The following SLC24A3 variants were observed in gnomAD, a reference collection of about 807,000 sequenced individuals.
SLC24A3 encodes sodium/potassium/calcium exchanger 3.
Under a neutral mutation model 75.8 loss-of-function variants are expected in SLC24A3, and 28 were observed. The ratio of observed to expected loss-of-function variants is 0.37; its 90% CI spans 0.27 to 0.51. SLC24A3 has a LOEUF of 0.51. Ranked by LOEUF, SLC24A3 falls within the 20% of genes least tolerant of loss-of-function variation. SLC24A3 has a pLI of 0.94. For missense variants in SLC24A3, 663 were observed against 847.8 expected, an observed-to-expected ratio of 0.78 and a Z score of 2.71; for synonymous variants, 372 against 334.1, an observed-to-expected ratio of 1.11 and a Z score of -1.24.
chr20:19,321,599 T>A (rs1435460902), intron 2 of SLC24A3, among the ~76,000 whole-genome samples: 1 of 152,214 alleles, frequency 6.6e-6, no homozygotes, highest in Non-Finnish European at 1.5e-5. Context: ...CATCTTAAGA[T>A]TATCTTATGT....
chr20:19,325,419 CTGGG>C (rs1428136726), intron 2 of SLC24A3, among the ~76,000 whole-genome samples: 1 of 151,914 alleles, frequency 6.6e-6, no homozygotes, highest in East Asian at 1.9e-4. Flanking sequence ...GCACTCCAGC[CTGGG>C]TGACGACCGT....
chr20:19,531,087 C>G (rs2030289607), intron 3 of SLC24A3, among the ~76,000 whole-genome samples: 1 of 150,876 alleles, frequency 6.6e-6, no homozygotes, highest in South Asian at 2.1e-4. Context: ...TGTAGTCACA[C>G]CAATTCTGAA....
At chr20:19,580,532 C>T (rs1405665578) in intron 4 of SLC24A3, among the ~76,000 whole-genome samples, 2 of 152,004 alleles carry the variant, frequency 1.3e-5, no homozygotes, top group Non-Finnish European at 2.9e-5. Context: ...TGTATATGTA[C>T]AGAAATGCTC....
intron 6 of SLC24A3, among the ~76,000 whole-genome samples, chr20:19,594,248 A>G (rs1031884588): frequency 3.3e-5 from 5 of 152,080 alleles, no homozygotes; most frequent in African/African-American, 1.2e-4. Context: ...CTTCCCTCCT[A>G]TCAACCCCCT....
intron 3 of SLC24A3, among the ~76,000 whole-genome samples, chr20:19,527,623 C>A (rs760928205): frequency 1.3e-5 from 2 of 152,184 alleles, no homozygotes; most frequent in Non-Finnish European, 2.9e-5. Context: ...ATGCCAGTGG[C>A]ATGCCCTGTC....
At chr20:19,404,737 G>A (rs956547754) in intron 2 of SLC24A3, among the ~76,000 whole-genome samples, 4 of 152,162 alleles carry the variant, frequency 2.6e-5, no homozygotes, top group African/African-American at 9.7e-5. Flanking sequence ...ATGTCCCCTT[G>A]CAACTGCATG....
At chr20:19,516,543 G>T (rs997816716) in intron 3 of SLC24A3, among the ~76,000 whole-genome samples, 1 of 152,200 alleles carries the variant, frequency 6.6e-6, no homozygotes, top group African/African-American at 2.4e-5. Context: ...CAGATGGACC[G>T]ACTCCGATGG....
chr20:19,666,829 A>C (rs900091833), intron 8 of SLC24A3, among the ~76,000 whole-genome samples: 1 of 152,238 alleles, frequency 6.6e-6, no homozygotes, highest in Non-Finnish European at 1.5e-5. Flanking sequence ...AGACATTTGC[A>C]TTTGGTCCAA....
At chr20:19,297,545 G>T (rs1380884373) in intron 2 of SLC24A3, among the ~76,000 whole-genome samples, 2 of 152,210 alleles carry the variant, frequency 1.3e-5, no homozygotes, top group African/African-American at 4.8e-5. Context: ...AGGCTTCATA[G>T]CACTCTGTTT....
chr20:19,615,748 T>G (rs1338735849), intron 6 of SLC24A3, among the ~76,000 whole-genome samples: 1 of 152,208 alleles, frequency 6.6e-6, no homozygotes, highest in African/African-American at 2.4e-5. Context: ...CACTGGACCC[T>G]TGCTTCTGTT....
At chr20:19,679,841 T>TTGC (rs1282768871) in intron 9 of SLC24A3, among the ~76,000 whole-genome samples, 1 of 151,638 alleles carries the variant, frequency 6.6e-6, no homozygotes, top group Admixed American at 6.6e-5. Context: ...GGCCCATGAC[T>TTGC]TGCTGCTGTG....
intron 14 of SLC24A3, among the ~76,000 whole-genome samples, chr20:19,697,864 G>A (rs188450910): frequency 2.6e-5 from 4 of 152,220 alleles, no homozygotes; most frequent in Admixed American, 6.5e-5. Context: ...TTTCCATAAG[G>A]GTGTCTCAGA....
At chr20:19,375,436 T>C (rs913855027) in intron 2 of SLC24A3, among the ~76,000 whole-genome samples, 1 of 152,118 alleles carries the variant, frequency 6.6e-6, no homozygotes, top group African/African-American at 2.4e-5. Context: ...TTTCTTATCA[T>C]AAAGAGAACT....
chr20:19,489,570 G>C (rs1372003807), intron 2 of SLC24A3, among the ~76,000 whole-genome samples: 1 of 152,030 alleles, frequency 6.6e-6, no homozygotes, highest in Non-Finnish European at 1.5e-5. Flanking sequence ...TTATGGATTT[G>C]TTTCCCAATT....
intron 7 of SLC24A3, among the ~76,000 whole-genome samples, chr20:19,654,558 A>C (rs1218534702): frequency 6.9e-6 from 1 of 144,580 alleles, no homozygotes; most frequent in Non-Finnish European, 1.5e-5. Flanking sequence ...TAGCAGTGAC[A>C]CCTCCCTGAG....
chr20:19,333,755 G>C (rs1001413025), intron 2 of SLC24A3, among the ~76,000 whole-genome samples: 4 of 151,772 alleles, frequency 2.6e-5, no homozygotes, highest in African/African-American at 9.7e-5. Flanking sequence ...AAAATGGAGG[G>C]GAAGGAGCGA....
At chr20:19,340,644 G>A (rs556148473) in intron 2 of SLC24A3, among the ~76,000 whole-genome samples, 2 of 152,296 alleles carry the variant, frequency 1.3e-5, no homozygotes, top group East Asian at 3.9e-4. Flanking sequence ...AAAATTTGGG[G>A]ATCAGGCATT....
At chr20:19,680,883 C>A (rs1270599100) in intron 9 of SLC24A3, among the ~76,000 whole-genome samples, 1 of 152,202 alleles carries the variant, frequency 6.6e-6, no homozygotes, top group Non-Finnish European at 1.5e-5. Flanking sequence ...GTTGAGTGGC[C>A]TTCCAGCTGG....
chr20:19,589,836 TG>T (rs1310128474), intron 6 of SLC24A3, among the ~76,000 whole-genome samples: 6 of 152,146 alleles, frequency 3.9e-5, no homozygotes, highest in Non-Finnish European at 7.4e-5. Flanking sequence ...AAATGGATAC[TG>T]GGGGATTCAG....
Sources: gnomAD v4.1 joint callset for allele counts (sites outside exome capture counted in the v4.1 genomes callset) on GRCh38, gnomAD v4.1.1 for gene constraint, MANE v1.5 for transcripts, NCBI Gene and HGNC (gene_info 2026-07-23, HGNC 2026-07-21) for gene names.